HEATR5B: variants seen among roughly 807,000 people sequenced by gnomAD.
The protein encoded by HEATR5B is HEAT repeat containing 5B, also known as HEAT repeat-containing protein 5B.
Under a neutral mutation model 224.1 loss-of-function variants are expected in HEATR5B, and 156 were observed. That is an observed-to-expected ratio of 0.70 (90% confidence interval 0.61 to 0.80). The LOEUF is 0.80. HEATR5B is among the 30% of genes least tolerant of loss of function. The pLI is 0.00. For synonymous variants in HEATR5B, 1,027 were observed against 893.0 expected, an observed-to-expected ratio of 1.15 and a Z score of -2.68; for missense variants, 2,323 against 2,535.5, an observed-to-expected ratio of 0.92 and a Z score of 1.80.
intron 1 of HEATR5B, among the ~76,000 whole-genome samples, chr2:37,083,893 A>T (rs1485399936): frequency 6.6e-6 from 1 of 152,218 alleles, no homozygotes; most frequent in Non-Finnish European, 1.5e-5. Flanking sequence ...CACCCAGCAC[A>T]GACATCCCGA....
In HEATR5B at chr2:37,079,329, G is replaced by A. The variant is rs141996504; in HGVS notation, c.129C>T (p.Thr43=). ...LDKVLVAANK[T]DVKEKQKKLV... ...GTTTTTTCTGTTTTTCCTTTACATC[G>A]GTCTGTTACAAAAAAAATTTTTAAA... is the stretch of plus-strand genomic sequence containing the variant. The change falls in exon 3 of 36, where the codon ACC becomes ACT. Residue 43 remains threonine (T), a splice_region_variant and synonymous_variant. Transcript: ENST00000233099. 1.7e-4 allele frequency: 260 copies of A among 1,560,400 alleles called. 1 individual carries two copies. The highest frequency in any genetic ancestry group is 1.8e-4 in the Non-Finnish European group (213 of 1,157,866).
chr2:36,988,059 G>A (rs560237229), intron 35 of HEATR5B, among the ~76,000 whole-genome samples: 4 of 150,698 alleles, frequency 2.7e-5, no homozygotes, highest in African/African-American at 7.3e-5. Context: ...GTGACAGAGC[G>A]AGACTGTCTA....
chr2:37,041,371 C>G, intron 18 of HEATR5B, 79 bp from the exon 19 acceptor site: 1 of 1,335,886 alleles, frequency 7.5e-7, no homozygotes, highest in Non-Finnish European at 1.1e-6. Context: ...CACACAAAAA[C>G]TGGGATTTAT....
chr2:37,057,419 G>C lies in HEATR5B; in HGVS notation c.2121C>G (p.Ala707=), dbSNP rs1335657333. Residue 707 remains alanine (A), a synonymous_variant, in exon 15 of 36, where the codon GCC becomes GCG. Transcript: ENST00000233099. ...ATCTGAGGAGGGAAGTAGTTGTGTT[G>C]GCTGAGTTGTCAGTCAAAGTGAATT... ...VAEFTLTDNS[A]NTTTSLLRSL... The C allele has an allele frequency of 6.2e-7, 1 of 1,611,008 alleles. No individual in the cohort carries two copies. The highest frequency in any genetic ancestry group is 1.3e-5 in the African/African-American group (1 of 74,714).
chr2:36,989,347 G>C (rs890363337), intron 34 of HEATR5B, among the ~76,000 whole-genome samples: 1 of 152,214 alleles, frequency 6.6e-6, no homozygotes, highest in African/African-American at 2.4e-5. Flanking sequence ...GCCTCCCAAA[G>C]TGCTGGGATT....
At chr2:37,000,494 T>C (rs537047556) in intron 33 of HEATR5B, 92 bp downstream of exon 33, 307 of 908,848 alleles carry the variant, frequency 3.4e-4, no homozygotes, top group Non-Finnish European at 5.0e-4. Context: ...TTCATTGTTA[T>C]ACAGCAGTTT....
chr2:37,056,290 C>A, intron 16 of HEATR5B, 150 bp downstream of exon 16: 1 of 504,548 alleles, frequency 2.0e-6, no homozygotes, highest in Non-Finnish European at 3.4e-6. Flanking sequence ...TATCATGTAT[C>A]TGTCACTTAC....
intron 28 of HEATR5B, 58 bp from the exon 29 acceptor site, chr2:37,007,362 G>A: frequency 1.7e-6 from 2 of 1,186,096 alleles, no homozygotes; most frequent in Non-Finnish European, 2.2e-6. Flanking sequence ...TTTTTTTTTT[G>A]AGACCAAGTC....
chr2:36,986,510 C>A (rs990129450), intron 35 of HEATR5B, among the ~76,000 whole-genome samples: 1 of 152,202 alleles, frequency 6.6e-6, no homozygotes, highest in South Asian at 2.1e-4. Context: ...ACTACTTTTC[C>A]AATTTTCTGT....
rs530778534 is a variant in HEATR5B at position 37,082,113 on chromosome 2, G to A, written c.126+1176C>T. Among the ~76,000 whole-genome samples, 5 of 112,792 alleles carry A rather than the reference G, an allele frequency of 4.4e-5. No individual in the cohort carries two copies. In the East Asian group the frequency reaches 1.3e-3, roughly 29 times the overall value. The allele number at this position is 112,792 out of a possible 152,430, so 74.0% of individuals were successfully genotyped here. ...AGATGGAGTTTCACTCTTGTCCCCC[G>A]GGCTGGAGTGCATTAGTGCGATCTC... On this transcript the variant is annotated intron_variant, in intron 2 of 35. Coordinates refer to ENST00000233099, the MANE Select transcript of HEATR5B (RefSeq NM_019024.3).
chr2:37,061,377 T>C (rs1196532558), intron 11 of HEATR5B, among the ~76,000 whole-genome samples: 1 of 152,238 alleles, frequency 6.6e-6, no homozygotes, highest in Non-Finnish European at 1.5e-5. Flanking sequence ...GATGCTTAGA[T>C]CTGTGTCATA....
intron 2 of HEATR5B, among the ~76,000 whole-genome samples, chr2:37,081,227 T>C (rs75036290): frequency 6.7e-5 from 10 of 148,920 alleles, no homozygotes; most frequent in African/African-American, 2.5e-4. Context: ...CCATGCATTG[T>C]TTTTTTTTTA....
At chr2:37,008,880 A>G (rs768304649) in intron 27 of HEATR5B, 32 bp from the exon 28 acceptor site, 2 of 1,241,612 alleles carry the variant, frequency 1.6e-6, no homozygotes, top group African/African-American at 3.0e-5. Context: ...CAAAATAGTA[A>G]GGCATAAGAT....
In HEATR5B at chr2:37,064,697, A is replaced by G. The variant is rs372800304; in HGVS notation, c.1584+43T>C. 22 of 1,604,814 alleles carry G rather than the reference A, an allele frequency of 1.4e-5. No individual in the cohort carries two copies. The African/African-American group carries it at 2.0e-4, about 15-fold the overall frequency. On this transcript the variant is annotated intron_variant, in intron 10 of 35. Coordinates refer to ENST00000233099, the MANE Select transcript of HEATR5B (RefSeq NM_019024.3). ...ACAGCAGCGTTCCTATAAAGACCAA[A>G]GCCCACGTGACAGCATTCCCAAGTC...
At position 37,077,181 on chromosome 2, in the gene HEATR5B, C is replaced by G. The variant is rs542770374; in HGVS notation, c.339-162G>C. 3.3e-5 allele frequency among the ~76,000 whole-genome samples: 5 copies of G among 152,278 alleles called. No individual in the cohort carries two copies. The East Asian group carries it at 9.6e-4, about 29-fold the overall frequency. Reference sequence around the variant, plus strand: ...TTATGCTTCATAACTGCAACAAATACTATACTCTATTTACACTGTATTCTT... The same window carrying G: ...TTATGCTTCATAACTGCAACAAATAGTATACTCTATTTACACTGTATTCTT... On this transcript the variant is annotated intron_variant, in intron 3 of 35. Transcript: ENST00000233099.
intron 10 of HEATR5B, among the ~76,000 whole-genome samples, chr2:37,063,662 A>G (rs903146907): frequency 6.6e-6 from 1 of 152,064 alleles, no homozygotes; most frequent in Non-Finnish European, 1.5e-5. Flanking sequence ...AATGTCCCAG[A>G]AAAAAAATCA....
chr2:37,075,706 A>G, intron 4 of HEATR5B, 72 bp from the exon 5 acceptor site: 5 of 1,240,238 alleles, frequency 4.0e-6, no homozygotes, highest in Non-Finnish European at 5.6e-6. Context: ...CACCAAGACA[A>G]AAGTTCTTTG....
chr2:36,989,640 C>T (rs1666185060), intron 34 of HEATR5B, among the ~76,000 whole-genome samples: 1 of 152,028 alleles, frequency 6.6e-6, no homozygotes, highest in South Asian at 2.1e-4. Flanking sequence ...TTACTGGCTC[C>T]ACTTTGTATT....
chr2:37,076,636 C>T (rs528790185), intron 4 of HEATR5B, among the ~76,000 whole-genome samples: 1 of 119,610 alleles, frequency 8.4e-6, no homozygotes, highest in South Asian at 3.3e-4. Flanking sequence ...AACACATTAG[C>T]TATGGCACCA....
Sources: allele counts gnomAD v4.1 joint callset (sites outside exome capture counted in the v4.1 genomes callset), GRCh38; gene constraint gnomAD v4.1.1; transcripts MANE v1.5; gene names NCBI Gene and HGNC (gene_info 2026-07-23, HGNC 2026-07-21).